MED13L: variants seen among roughly 807,000 people sequenced by gnomAD.
MED13L encodes mediator complex subunit 13L.
Under a neutral mutation model 220.9 loss-of-function variants are expected in MED13L, and 7 were observed. The ratio of observed to expected loss-of-function variants is 0.03; its 90% CI spans 0.02 to 0.06. MED13L has a LOEUF of 0.06. MED13L is among the 10% of genes least tolerant of loss of function. The pLI is 1.00. For missense variants in MED13L, 1,965 were observed against 2,760.5 expected (o/e 0.71, Z 6.46); for synonymous variants, 1,011 against 1,015.2 (o/e 1.00, Z 0.08).
At chr12:116,036,224 GAAC>G (rs1421062587) in intron 4 of MED13L, among the ~76,000 whole-genome samples, 2 of 152,184 alleles carry the variant, frequency 1.3e-5, no homozygotes, top group Non-Finnish European at 2.9e-5. Flanking sequence ...ATCATGAGAA[GAAC>G]AAGAACAACT....
chr12:115,971,746 A>G (rs1034647979), intron 26 of MED13L, among the ~76,000 whole-genome samples: 1 of 152,220 alleles, frequency 6.6e-6, no homozygotes, highest in African/African-American at 2.4e-5. Context: ...AATATGCATC[A>G]TTCTGGTGTC....
At chr12:116,242,050 T>TC (rs1252969012) in intron 1 of MED13L, among the ~76,000 whole-genome samples, 3 of 79,720 alleles carry the variant, frequency 3.8e-5, no homozygotes, top group Non-Finnish European at 8.2e-5. Context: ...TCTTTTGTCT[T>TC]TTTTTTTTTT....
At chr12:116,039,543 C>T (rs1324035022) in intron 4 of MED13L, among the ~76,000 whole-genome samples, 1 of 152,128 alleles carries the variant, frequency 6.6e-6, no homozygotes, top group African/African-American at 2.4e-5. Flanking sequence ...CTCCTCTATC[C>T]CTAACATAAA....
At chr12:116,136,975 G>A (rs1178392135) in intron 2 of MED13L, among the ~76,000 whole-genome samples, 1 of 152,122 alleles carries the variant, frequency 6.6e-6, no homozygotes, top group Non-Finnish European at 1.5e-5. Context: ...TAAATCATCA[G>A]TAAAAATTTA....
intron 3 of MED13L, chr12:116,110,112 T>A (rs1423715543): frequency 6.6e-6 from 1 of 152,130 alleles, no homozygotes; most frequent in East Asian, 1.9e-4. Context: ...AATGAACCCA[T>A]TCTTTCTCAT....
At chr12:115,965,252 T>C (rs1876067000) in intron 29 of MED13L, among the ~76,000 whole-genome samples, 1 of 152,244 alleles carries the variant, frequency 6.6e-6, no homozygotes, top group Non-Finnish European at 1.5e-5. Context: ...TTGTTGTAGA[T>C]GATTAATATT....
intron 4 of MED13L, among the ~76,000 whole-genome samples, chr12:116,050,983 A>G (rs911937788): frequency 3.3e-5 from 5 of 152,146 alleles, no homozygotes; most frequent in Admixed American, 1.3e-4. Flanking sequence ...TTCTTCAAAT[A>G]TAAGTGCTCA....
chr12:115,998,486 C>G (rs1428416052), intron 14 of MED13L, among the ~76,000 whole-genome samples: 1 of 152,218 alleles, frequency 6.6e-6, no homozygotes, highest in East Asian at 1.9e-4. Context: ...GGACTTAGAT[C>G]TGCTGTGGTC....
chr12:115,986,576 T>C, intron 18 of MED13L, 87 bp from the exon 19 acceptor site: 3 of 1,211,740 alleles, frequency 2.5e-6, no homozygotes, highest in South Asian at 1.3e-5. Flanking sequence ...CTGGTCTTAA[T>C]TCTGGCATCT....
chr12:116,136,663 G>A (rs991634847), intron 2 of MED13L, among the ~76,000 whole-genome samples: 20 of 152,112 alleles, frequency 1.3e-4, no homozygotes, highest in Non-Finnish European at 1.6e-4. Context: ...AGAAACCTGC[G>A]TTCAAGTAAA....
chr12:116,230,496 TATCA>T, intron 2 of MED13L: 1 of 984,328 alleles, frequency 1.0e-6, no homozygotes, highest in Non-Finnish European at 1.2e-6. Flanking sequence ...TGCAAAATGG[TATCA>T]TTCATGTTTT....
intron 14 of MED13L, among the ~76,000 whole-genome samples, chr12:116,001,028 T>G (rs1218019992): frequency 6.6e-6 from 1 of 152,210 alleles, no homozygotes; most frequent in Non-Finnish European, 1.5e-5. Context: ...AATTTTATAC[T>G]AATTACATGT....
Position 116,003,080 on chromosome 12 carries a change from G to A in MED13L, c.2492C>T (p.Ser831Leu), listed in dbSNP as rs866482739. ...ELGAVSPALR[S>L]SKMPAVGTED... ...TGTCCCAACTGCAGGCATTTTTGAT[G>A]AGCGCAGAGCAGGTGATACAGCCTA... Residue 831 changes from serine (S) to leucine (L), a missense_variant, in exon 14 of 31, where the codon TCA becomes TTA. Around this residue, in one of 10 missense-constraint regions of MED13L, gnomAD observed 818 missense variants for 1,041.2 expected, o/e 0.79. Coordinates refer to ENST00000281928, the MANE Select transcript of MED13L (RefSeq NM_015335.5). The A allele has an allele frequency of 1.9e-6, 3 of 1,613,982 alleles. No individual in the cohort carries two copies. Among genetic ancestry groups the A allele is most frequent in the Middle Eastern group, 1.6e-4 (1 of 6,082 alleles).
Position 115,991,707 on chromosome 12 carries a change from C to G in MED13L, c.3247G>C (p.Ala1083Pro), listed in dbSNP as rs1236926452. 2.5e-6 allele frequency: 4 copies of G among 1,613,770 alleles called. No individual in the cohort carries two copies. The highest frequency in any genetic ancestry group is 3.4e-6 in the Non-Finnish European group (4 of 1,179,872). ...KYDSTDQGSPASTPSTTRPLN... is the reference protein window; with the variant it reads ...KYDSTDQGSPPSTPSTTRPLN... ...GGCCGTGTAGTAGAGGGGGTGGAGG[C>G]TGGTGATCCTTGATCGGTGCTATCA... The change falls in exon 17 of 31, where the codon GCC becomes CCC. Residue 1083 changes from alanine to proline, a missense_variant. Physicochemically the swap from Ala to Pro is conservative, Grantham distance 27. This residue lies in a region of MED13L where 233 missense variants were observed against 306.2 expected (regional missense o/e 0.76). Coordinates refer to ENST00000281928, the MANE Select transcript of MED13L (RefSeq NM_015335.5). The surrounding 1 kb of genome is among the most constrained non-coding windows in gnomAD (Gnocchi z 7.7).
At chr12:116,138,014 A>T (rs1876724020) in intron 2 of MED13L, among the ~76,000 whole-genome samples, 1 of 151,678 alleles carries the variant, frequency 6.6e-6, no homozygotes, top group Non-Finnish European at 1.5e-5. Context: ...CTGCCACTAC[A>T]TCCGGCTAAT....
chr12:116,106,466 T>A (rs2137872253), intron 3 of MED13L, among the ~76,000 whole-genome samples: 1 of 152,308 alleles, frequency 6.6e-6, no homozygotes, highest in South Asian at 2.1e-4. Context: ...AGTGTAAGAC[T>A]TTCTAATACT....
chr12:116,242,255 G>T (rs1181488849), intron 1 of MED13L, among the ~76,000 whole-genome samples: 3 of 151,954 alleles, frequency 2.0e-5, no homozygotes, highest in Non-Finnish European at 4.4e-5. Flanking sequence ...ATGTTGGCCA[G>T]GCTGGGCTCG....
chr12:116,087,446 T>C (rs367899487), intron 4 of MED13L, among the ~76,000 whole-genome samples: 3 of 152,348 alleles, frequency 2.0e-5, no homozygotes, highest in Admixed American at 6.5e-5. Flanking sequence ...GAAATGAATA[T>C]TCTTGTCGAA....
intron 4 of MED13L, among the ~76,000 whole-genome samples, chr12:116,076,328 G>T (rs575397581): frequency 1.3e-3 from 197 of 152,228 alleles, no homozygotes; most frequent in African/African-American, 4.4e-3. Flanking sequence ...CTTGAGACCA[G>T]GAATTCAACA....
Sources: allele counts gnomAD v4.1 joint callset (sites outside exome capture counted in the v4.1 genomes callset), GRCh38; gene constraint gnomAD v4.1.1; regional missense constraint gnomAD v4.1.1; non-coding constraint Gnocchi (gnomAD v3.1); transcripts MANE v1.5; gene names NCBI Gene and HGNC (gene_info 2026-07-23, HGNC 2026-07-21).